The following TP63 variants were observed in gnomAD, a reference collection of about 807,000 sequenced individuals.
TP63 encodes tumor protein 63.
Under a neutral mutation model 82.8 loss-of-function variants are expected in TP63, and 17 were observed. The observed-to-expected ratio is 0.21, with a 90% CI of 0.14 to 0.31. The LOEUF (loss-of-function observed/expected upper bound fraction) is 0.31. Among genes scored for constraint, TP63 ranks in the 10% least tolerant of loss-of-function variants. The probability of loss-of-function intolerance (pLI) is 1.00; values close to 1 mark genes in which losing one functional copy is unlikely to be tolerated. For missense variants in TP63, 648 were observed against 895.3 expected (o/e 0.72, Z 3.52); for synonymous variants, 330 against 321.7 (o/e 1.03, Z -0.28).
intron 11 of TP63, 65 bp downstream of exon 11, chr3:189,886,616 G>T (rs1428272380): frequency 6.2e-7 from 1 of 1,600,272 alleles, no homozygotes; most frequent in Non-Finnish European, 8.5e-7. Context: ...AAGACTCTGT[G>T]ATGGGGAAGG....
the TP63 span, among the ~76,000 whole-genome samples, chr3:189,599,134 A>G: frequency 6.6e-6 from 1 of 152,140 alleles, no homozygotes; most frequent in Admixed American, 6.5e-5. Context: ...TTACCTCCTT[A>G]GATATCAGTT....
intron 4 of TP63, among the ~76,000 whole-genome samples, chr3:189,815,869 C>T (rs1690838536): frequency 6.6e-6 from 1 of 152,132 alleles, no homozygotes; most frequent in Admixed American, 6.5e-5. Flanking sequence ...TCTCTTGCTG[C>T]ATTTAACTAA....
intron 4 of TP63, among the ~76,000 whole-genome samples, chr3:189,842,985 A>G (rs926106311): frequency 2.0e-5 from 3 of 152,224 alleles, no homozygotes; most frequent in Admixed American, 6.5e-5. Context: ...CTGGGGAGAT[A>G]AAGTTGCAAA....
At position 189,664,468 on chromosome 3, in the gene TP63, A is replaced by AACG. The variant is rs1714203258; in HGVS notation, c.62+32891_62+32892insACG. On this transcript the variant is annotated intron_variant, in intron 1 of 13. Transcript: ENST00000264731. The stretch of plus-strand genomic sequence containing the variant: ...GGAAGATAATGCTCTGTGATGCAAC[A>AACG]TGCATTGCAGCATGCCACATTGCAT... Among the ~76,000 whole-genome samples the AACG allele has an allele frequency of 3.9e-5, 6 of 152,226 alleles. No individual in the cohort carries two copies. The South Asian group carries it at 1.2e-3, about 32-fold the overall frequency.
chr3:189,777,434 T>C (rs1400421095), intron 3 of TP63, among the ~76,000 whole-genome samples: 1 of 152,142 alleles, frequency 6.6e-6, no homozygotes, highest in Non-Finnish European at 1.5e-5. Context: ...TGACCTCAGG[T>C]GATCCACCCG....
chr3:189,601,945 C>T, the TP63 span, among the ~76,000 whole-genome samples: 6 of 152,282 alleles, frequency 3.9e-5, no homozygotes, highest in South Asian at 1.2e-3. Context: ...CTCCAGCACA[C>T]TTCTGCTATC....
Position 189,755,191 on chromosome 3 carries a change from A to C in TP63, c.324+16417A>C, listed in dbSNP as rs140875687. Among the ~76,000 whole-genome samples, 179 of 152,274 alleles carry C rather than the reference A, an allele frequency of 1.2e-3. 1 individual carries two copies. Among genetic ancestry groups the C allele is most frequent in the African/African-American group, 4.0e-3 (165 of 41,564 alleles). On this transcript the variant is annotated intron_variant, in intron 3 of 13. Transcript: ENST00000264731. ...TTTCATTCAGAGTTACTGGTGCATA[A>C]ATATACAGCCGAATATAAATTGTCA...
At chr3:189,844,366 A>T in intron 4 of TP63, 1 of 371,842 alleles carries the variant, frequency 2.7e-6, no homozygotes, top group South Asian at 1.9e-5. Context: ...GCTCACTGCA[A>T]CCTCCGCCTT....
chr3:189,674,287 C>T (rs993818984), intron 1 of TP63, among the ~76,000 whole-genome samples: 1 of 152,056 alleles, frequency 6.6e-6, no homozygotes, highest in East Asian at 1.9e-4. Flanking sequence ...TGAACCACTC[C>T]ATCTAAGTCT....
intron 4 of TP63, among the ~76,000 whole-genome samples, chr3:189,863,696 C>T (rs1447085362): frequency 6.6e-6 from 1 of 152,096 alleles, no homozygotes; most frequent in Non-Finnish European, 1.5e-5. Flanking sequence ...CAGTTTCAAG[C>T]GATCTGACGT....
Position 189,886,496 on chromosome 3 carries a change from T to C in TP63, c.1452T>C (p.Pro484=), listed in dbSNP as rs1720459764. 2.5e-6 allele frequency: 4 copies of C among 1,613,940 alleles called. No individual in the cohort carries two copies. The African/African-American group carries it at 4.0e-5, about 16-fold the overall frequency. The change falls in exon 11 of 14, where the codon CCT becomes CCC. Residue 484 remains proline (P), a synonymous_variant. Coordinates refer to ENST00000264731, the MANE Select transcript of TP63 (RefSeq NM_003722.5). ...KLPSVSQLIN[P]QQRNALTPTT... ...CTTCTGTGAGCCAGCTTATCAACCC[T>C]CAGCAGCGCAACGCCCTCACTCCTA... is the stretch of plus-strand genomic sequence containing the variant.
intron 11 of TP63, among the ~76,000 whole-genome samples, chr3:189,888,018 G>A (rs750407167): frequency 5.0e-4 from 76 of 151,952 alleles, no homozygotes; most frequent in Non-Finnish European, 9.3e-4. Flanking sequence ...CACCACGCCC[G>A]GCTAATTTTT....
At chr3:189,732,847 G>A (rs1311398728) in intron 1 of TP63, among the ~76,000 whole-genome samples, 1 of 152,230 alleles carries the variant, frequency 6.6e-6, no homozygotes, top group South Asian at 2.1e-4. Context: ...ATCCTCTGCA[G>A]CAGGTTAATT....
At chr3:189,628,758 T>C (rs796596603), upstream of TP63, among the ~76,000 whole-genome samples, 73 of 152,286 alleles carry the variant, frequency 4.8e-4, no homozygotes, top group African/African-American at 1.7e-3. Context: ...AGAATAAGGA[T>C]GAACTATAAA....
intron 6 of TP63, 89 bp from the exon 7 acceptor site, chr3:189,867,744 T>C (rs533860752): frequency 1.7e-6 from 2 of 1,193,918 alleles, no homozygotes; most frequent in Admixed American, 3.8e-5. Flanking sequence ...TCATCAGAAG[T>C]GGAATTCCTT....
At chr3:189,776,939 G>T (rs1238325748) in intron 3 of TP63, among the ~76,000 whole-genome samples, 1 of 152,160 alleles carries the variant, frequency 6.6e-6, no homozygotes, top group Non-Finnish European at 1.5e-5. Flanking sequence ...CACATGAAAG[G>T]CTTCCGTTTG....
intron 3 of TP63, among the ~76,000 whole-genome samples, chr3:189,784,212 A>G (rs1326031254): frequency 6.6e-6 from 1 of 152,080 alleles, no homozygotes; most frequent in Non-Finnish European, 1.5e-5. Context: ...GTACCTTTGT[A>G]TATCTATTTA....
Position 189,867,935 on chromosome 3 carries a change from A to G in TP63, c.985A>G (p.Thr329Ala). Residue 329 changes from threonine (T) to alanine (A), a missense_variant, in exon 7 of 14, where the codon ACC becomes GCC. By Grantham distance (58) the Thr-to-Ala change is moderately conservative. Coordinates refer to ENST00000264731, the MANE Select transcript of TP63 (RefSeq NM_003722.5). ...RPILIIVTLE[T>A]RDGQVLGRRC... ...AATTTTAATCATTGTTACTCTGGAA[A>G]CCAGAGAGTAAGTGGCGTATGTAAA... 6.2e-7 allele frequency: 1 copy of G among 1,613,210 alleles called. No individual in the cohort carries two copies. Among genetic ancestry groups the G allele is most frequent in the Non-Finnish European group, 8.5e-7 (1 of 1,179,290 alleles).
chr3:189,611,697 T>C, the TP63 span, among the ~76,000 whole-genome samples: 1 of 152,224 alleles, frequency 6.6e-6, no homozygotes, highest in Admixed American at 6.5e-5. Context: ...AATAGCATTG[T>C]ATCTTTAAGT....
Sources: allele counts gnomAD v4.1 joint callset (sites outside exome capture counted in the v4.1 genomes callset), GRCh38; gene constraint gnomAD v4.1.1; transcripts MANE v1.5; gene names NCBI Gene and HGNC (gene_info 2026-07-23, HGNC 2026-07-21).